Variants in ARHGAP6 observed in about 807,000 individuals in gnomAD.
ARHGAP6 encodes the protein Rho GTPase activating protein 6, also known as rho GTPase-activating protein 6.
In ARHGAP6, 16 loss-of-function variants were observed where a neutral mutation model predicts 55.7. The ratio of observed to expected loss-of-function variants is 0.29; its 90% confidence interval spans 0.19 to 0.44. The LOEUF is 0.44. ARHGAP6 is among the 20% of genes least tolerant of loss of function. The probability of loss-of-function intolerance (pLI) is 1.00; values close to 1 mark genes in which losing one functional copy is unlikely to be tolerated. For synonymous variants in ARHGAP6, 382 were observed against 360.9 expected, an observed-to-expected ratio of 1.06 and a Z score of -0.66; for missense variants, 698 against 808.9, an observed-to-expected ratio of 0.86 and a Z score of 1.66.
rs749015395 is a variant in ARHGAP6 at position 11,139,430 on chromosome X, G to A, written c.2358C>T (p.Ser786=). The A allele has an allele frequency of 4.2e-6, 5 of 1,188,588 alleles. No individual in the cohort carries two copies. In the South Asian group the frequency reaches 9.3e-5, roughly 22 times the overall value. ...LSPNWPRWQG[S]PAELDSDTQG... Reference sequence around the variant, plus strand: ...GCGTGTCGCTGTCCAGCTCTGCGGGGCTCCCCTGCCACCGAGGCCAATTTG... The same window carrying A: ...GCGTGTCGCTGTCCAGCTCTGCGGGACTCCCCTGCCACCGAGGCCAATTTG... Residue 786 remains serine (S), a synonymous_variant, in exon 13 of 13, where the codon AGC becomes AGT. Transcript: ENST00000337414.
intron 1 of ARHGAP6, among the ~76,000 whole-genome samples, chrX:11,381,767 T>C (rs2049265949): frequency 8.9e-6 from 1 of 112,048 alleles, no homozygotes; most frequent in Non-Finnish European, 1.9e-5. Context: ...AATAAAAATA[T>C]CTGCTGGCAT....
rs749033346 is a variant in ARHGAP6, at chrX:11,507,232, A to C, written c.588+157009T>G. On this transcript the variant is annotated intron_variant, in intron 1 of 12. Coordinates refer to ENST00000337414, the MANE Select transcript of ARHGAP6 (RefSeq NM_013427.3). ...GAGGTTTGTGACTCTGTGACCCTTC[A>C]GAAATAAGGGCGGTTATTGGCTCTT... Among the ~76,000 whole-genome samples, 74 of 110,438 alleles carry C rather than the reference A, an allele frequency of 6.7e-4. 1 individual carries two copies. Among genetic ancestry groups the C allele is most frequent in the Non-Finnish European group, 1.2e-3 (65 of 52,758 alleles).
intron 1 of ARHGAP6, among the ~76,000 whole-genome samples, chrX:11,263,859 GGAT>G (rs913695594): frequency 8.9e-6 from 1 of 111,844 alleles, no homozygotes; most frequent in Admixed American, 9.5e-5. Context: ...TATGAAATGG[GGAT>G]GATGACAGGG....
intron 1 of ARHGAP6, among the ~76,000 whole-genome samples, chrX:11,466,645 T>C (rs111817059): frequency 0.11 from 12,421 of 110,372 alleles, 691 homozygotes; most frequent in Admixed American, 0.2. Context: ...GCTGGGACTA[T>C]GGGCACATAC....
intron 1 of ARHGAP6, among the ~76,000 whole-genome samples, chrX:11,553,416 AT>A (rs966341869): frequency 2.8e-5 from 3 of 108,557 alleles, no homozygotes; most frequent in East Asian, 2.9e-4. Flanking sequence ...TAATTTTTGT[AT>A]TTTTTTTTAG....
chrX:11,664,677 G>A lies in ARHGAP6; in HGVS notation c.152C>T (p.Ala51Val), dbSNP rs1190955279. 1.7e-6 allele frequency: 2 copies of A among 1,167,713 alleles called. No individual in the cohort carries two copies. The highest frequency in any genetic ancestry group is 1.1e-6 in the Non-Finnish European group (1 of 874,220). The change falls in exon 1 of 13, where the codon GCG (alanine) becomes GTG (valine). Residue 51 changes from alanine (A) to valine (V), a missense_variant. Around this residue, in one of 3 missense-constraint regions of ARHGAP6, gnomAD observed 164 missense variants for 149.2 expected, o/e 1.10. Coordinates refer to ENST00000337414, the MANE Select transcript of ARHGAP6 (RefSeq NM_013427.3). ...TCCCCGCGCACTGCCCTCCGCGCCC[G>A]CCTCGTCGCTCCCGCAGCCGCCGAT... Reference protein sequence around the residue: ...ALIGGCGSDEAGAEGSARGAT... With the variant: ...ALIGGCGSDEVGAEGSARGAT...
intron 1 of ARHGAP6, among the ~76,000 whole-genome samples, chrX:11,434,068 A>G (rs1394444428): frequency 1.8e-5 from 2 of 111,712 alleles, no homozygotes; most frequent in Non-Finnish European, 3.8e-5. Context: ...ATCTGAAGCT[A>G]TCTTTGGCTG....
chrX:11,143,728 C>T, intron 11 of ARHGAP6: 3 of 1,107,631 alleles, frequency 2.7e-6, no homozygotes, highest in Non-Finnish European at 3.5e-6. Context: ...TCTGGGCATG[C>T]GTTTATTTCC....
intron 1 of ARHGAP6, among the ~76,000 whole-genome samples, chrX:11,549,969 A>G (rs1016364997): frequency 9.8e-5 from 11 of 112,251 alleles, no homozygotes; most frequent in African/African-American, 3.2e-4. Context: ...TTTGAGGTGG[A>G]AATTACATTT....
intron 1 of ARHGAP6, among the ~76,000 whole-genome samples, chrX:11,561,141 G>A (rs1353447098): frequency 1.8e-5 from 2 of 112,144 alleles, no homozygotes; most frequent in Non-Finnish European, 3.8e-5. Context: ...TACAGAAGAT[G>A]TTTGCCAGCC....
chrX:11,369,011 T>A (rs2049114690), intron 1 of ARHGAP6, among the ~76,000 whole-genome samples: 1 of 111,541 alleles, frequency 9.0e-6, no homozygotes, highest in Admixed American at 9.5e-5. Context: ...CCAGGGTAAT[T>A]ATTCCTAGTG....
At chrX:11,231,237 C>T (rs1487435498) in intron 2 of ARHGAP6, among the ~76,000 whole-genome samples, 3 of 112,042 alleles carry the variant, frequency 2.7e-5, no homozygotes, top group African/African-American at 6.5e-5. Flanking sequence ...GACTGAAGCA[C>T]GTATTTTCTT....
chrX:11,531,427 C>A (rs2051048084), intron 1 of ARHGAP6, among the ~76,000 whole-genome samples: 1 of 110,921 alleles, frequency 9.0e-6, no homozygotes, highest in Non-Finnish European at 1.9e-5. Flanking sequence ...ACTGGCTGCC[C>A]TCTCCTGGAA....
At chrX:11,289,429 C>T (rs1025355188) in intron 1 of ARHGAP6, among the ~76,000 whole-genome samples, 4 of 111,463 alleles carry the variant, frequency 3.6e-5, no homozygotes, top group African/African-American at 9.8e-5. Context: ...ATTTAAACCT[C>T]GGCTACCCAG....
chrX:11,202,799 CAAAAAAA>C (rs776633959), intron 2 of ARHGAP6, among the ~76,000 whole-genome samples: 3 of 9,451 alleles, frequency 3.2e-4, no homozygotes, highest in African/African-American at 8.7e-4. Context: ...GACTCCGTCT[CAAAAAAA>C]AAAAAAAAAA....
intron 1 of ARHGAP6, among the ~76,000 whole-genome samples, chrX:11,658,211 T>G (rs933440840): frequency 1.8e-5 from 2 of 111,703 alleles, no homozygotes; most frequent in Non-Finnish European, 3.8e-5. Context: ...AGGTTCTTTC[T>G]GAGTCTAAAC....
At chrX:11,616,751 G>A (rs1241772353) in intron 1 of ARHGAP6, among the ~76,000 whole-genome samples, 1 of 111,826 alleles carries the variant, frequency 8.9e-6, no homozygotes, top group African/African-American at 3.3e-5. Context: ...CCACCCAGGG[G>A]ACATTTGGCA....
chrX:11,380,108 G>C (rs981469633), intron 1 of ARHGAP6, among the ~76,000 whole-genome samples: 11 of 111,291 alleles, frequency 9.9e-5, no homozygotes, highest in African/African-American at 3.3e-4. Flanking sequence ...TTACTTATTT[G>C]GGCCAGTAAA....
intron 1 of ARHGAP6, among the ~76,000 whole-genome samples, chrX:11,530,543 A>G (rs1019918271): frequency 8.9e-6 from 1 of 112,013 alleles, no homozygotes; most frequent in Non-Finnish European, 1.9e-5. Context: ...AATTCATTGC[A>G]TACAATGGAT....
Sources: allele counts gnomAD v4.1 joint callset (sites outside exome capture counted in the v4.1 genomes callset), GRCh38; gene constraint gnomAD v4.1.1; regional missense constraint gnomAD v4.1.1; transcripts MANE v1.5; gene names NCBI Gene and HGNC (gene_info 2026-07-23, HGNC 2026-07-21).